The following MALT1 variants were observed in gnomAD, a reference collection of about 807,000 sequenced individuals.
MALT1 encodes the protein mucosa-associated lymphoid tissue lymphoma translocation protein 1.
A neutral mutation model predicts 85.5 loss-of-function variants in MALT1; 36 were observed. The ratio of observed to expected loss-of-function variants is 0.42; its 90% CI spans 0.32 to 0.56. The LOEUF (loss-of-function observed/expected upper bound fraction) is 0.56. MALT1 is among the 20% of genes least tolerant of loss of function. The pLI is 0.10. For missense variants in MALT1, 716 were observed against 981.6 expected, an observed-to-expected ratio of 0.73 and a Z score of 3.62; for synonymous variants, 359 against 361.3, an observed-to-expected ratio of 0.99 and a Z score of 0.07.
intron 9 of MALT1, 54 bp downstream of exon 9, chr18:58,716,021 A>C (rs2054894459): frequency 1.6e-6 from 2 of 1,271,762 alleles, no homozygotes; most frequent in East Asian, 4.7e-5. Context: ...GTATAACTCC[A>C]GAAGGAATTT....
chr18:58,698,138 C>T (rs1438259619), intron 3 of MALT1, among the ~76,000 whole-genome samples: 2 of 145,808 alleles, frequency 1.4e-5, no homozygotes. Flanking sequence ...GCGATCTTGG[C>T]TCACTGCAAC....
At chr18:58,746,519 T>C (rs2055369326) in intron 16 of MALT1, among the ~76,000 whole-genome samples, 1 of 152,170 alleles carries the variant, frequency 6.6e-6, no homozygotes, top group African/African-American at 2.4e-5. Flanking sequence ...ATGTATCAGC[T>C]AAAACTCAGG....
chr18:58,699,289 AG>A (rs2054638361), intron 3 of MALT1, among the ~76,000 whole-genome samples: 2 of 152,364 alleles, frequency 1.3e-5, no homozygotes, highest in Admixed American at 1.3e-4. Context: ...CTAGGATTAC[AG>A]GAAGTTTGAG....
rs577507555 is a variant in MALT1, at chr18:58,707,613, C to G, written c.650-1765C>G. On this transcript the variant is annotated intron_variant, in intron 4 of 16. Coordinates refer to ENST00000649217, the MANE Select transcript of MALT1 (RefSeq NM_006785.4). ...CTGACAGGGTTACATTTTCTTTCTT[C>G]TTCGTAAGTCTCATAATTATTTATT... is the stretch of plus-strand genomic sequence containing the variant. 1.8e-4 allele frequency among the ~76,000 whole-genome samples: 27 copies of G among 152,170 alleles called. No individual in the cohort carries two copies. The South Asian group carries it at 5.6e-3, about 32-fold the overall frequency.
chr18:58,725,167 C>T (rs948890474), intron 10 of MALT1, among the ~76,000 whole-genome samples: 4 of 150,278 alleles, frequency 2.7e-5, no homozygotes, highest in African/African-American at 4.9e-5. Context: ...AATAAAAACA[C>T]GAAAATTAGC....
intron 9 of MALT1, among the ~76,000 whole-genome samples, chr18:58,722,631 C>A (rs534924520): frequency 2.6e-5 from 4 of 152,298 alleles, no homozygotes; most frequent in South Asian, 4.1e-4. Context: ...TTTTTAGCCT[C>A]TTCCATTCTC....
chr18:58,737,645 T>C (rs986997269), intron 13 of MALT1, among the ~76,000 whole-genome samples: 1 of 152,192 alleles, frequency 6.6e-6, no homozygotes, highest in African/African-American at 2.4e-5. Flanking sequence ...TGCAGTGGCA[T>C]GATCTTGGCT....
At chr18:58,719,609 C>G (rs2054955907) in intron 9 of MALT1, among the ~76,000 whole-genome samples, 1 of 152,188 alleles carries the variant, frequency 6.6e-6, no homozygotes, top group Non-Finnish European at 1.5e-5. Context: ...CGTGATACAG[C>G]CCAGATTCAC....
At chr18:58,699,359 T>G (rs1568133407) in intron 3 of MALT1, among the ~76,000 whole-genome samples, 1 of 152,194 alleles carries the variant, frequency 6.6e-6, no homozygotes, top group East Asian at 1.9e-4. Flanking sequence ...ATAGTAGGAT[T>G]GTCAGGCAGT....
chr18:58,749,016 A>ATATT lies in MALT1; in HGVS notation c.*1175_*1178dup, dbSNP rs1321486030. On this transcript the variant is annotated 3_prime_UTR_variant, in exon 17 of 17. Transcript: ENST00000649217. ...ACAAACACAAAAATCATTAACAAAA[A>ATATT]TATTAGCAAACTGAATCCAGCAACC... 5 of 210,780 alleles carry ATATT rather than the reference A, an allele frequency of 2.4e-5. No individual in the cohort carries two copies. In the East Asian group the frequency reaches 2.9e-4, roughly 12 times the overall value. The allele number at this position is 210,780 out of a possible 1,614,324, so 13.1% of individuals were successfully genotyped here.
At chr18:58,721,154 C>T (rs1200327196) in intron 9 of MALT1, among the ~76,000 whole-genome samples, 1 of 152,130 alleles carries the variant, frequency 6.6e-6, no homozygotes, top group African/African-American at 2.4e-5. Flanking sequence ...CCGAGGTGGG[C>T]AGATCACCTG....
rs1473688834 is a variant in MALT1 at position 58,752,810 on chromosome 18, T to TAA, written c.*4969_*4970insAA. ...GCAAGACGCTGTCTCAAAAATAAAA[T>TAA]ATTAGTAAAGAAGAGTACAATCAGA... On this transcript the variant is annotated 3_prime_UTR_variant, in exon 17 of 17. Coordinates refer to ENST00000649217, the MANE Select transcript of MALT1 (RefSeq NM_006785.4). The TAA allele has an allele frequency of 6.6e-6, 1 of 152,070 alleles. No individual in the cohort carries two copies. The highest frequency in any genetic ancestry group is 1.5e-5 in the Non-Finnish European group (1 of 68,000). The allele number at this position is 152,070 out of a possible 1,614,324, so 9.4% of individuals were successfully genotyped here. A position where few individuals can be genotyped will look rare whatever the true frequency, so the allele number is the denominator to read the frequency against.
chr18:58,720,360 C>T lies in MALT1; in HGVS notation c.1019-2688C>T, dbSNP rs552328975. On this transcript the variant is annotated intron_variant, in intron 9 of 16. Coordinates refer to ENST00000649217, the MANE Select transcript of MALT1 (RefSeq NM_006785.4). Reference sequence around the variant, plus strand: ...TTTCCTCTCCCTTTCTACTACTTCTCGATCTTCCATCCACCCCAGTTCACC... The same window carrying T: ...TTTCCTCTCCCTTTCTACTACTTCTTGATCTTCCATCCACCCCAGTTCACC... Among the ~76,000 whole-genome samples the T allele has an allele frequency of 2.0e-5, 3 of 152,268 alleles. No homozygotes were observed. In the East Asian group the frequency reaches 5.8e-4, roughly 29 times the overall value.
chr18:58,710,033 C>T lies in MALT1; in HGVS notation c.886C>T (p.Arg296Ter), dbSNP rs1238233846. 6.2e-7 allele frequency: 1 copy of T among 1,611,756 alleles called. No homozygotes were observed. Among genetic ancestry groups the T allele is most frequent in the Non-Finnish European group, 8.5e-7 (1 of 1,178,756 alleles). Residue 296 changes from arginine (R) to a stop codon, truncating the protein, a stop_gained, in exon 6 of 17, where the codon CGA becomes TGA. Coordinates refer to ENST00000649217, the MANE Select transcript of MALT1 (RefSeq NM_006785.4). LOFTEE classifies it high-confidence loss of function. ...GTYWCHVYND[R>*]DSQDSKKVEI... ...CTACTGGTGTCATGTATATAATGATCGAGACAGTCAAGATAGCAAGAAGGT... is the reference window on the plus strand; with the variant it reads ...CTACTGGTGTCATGTATATAATGATTGAGACAGTCAAGATAGCAAGAAGGT...
chr18:58,713,131 G>A (rs2054854070), intron 7 of MALT1, among the ~76,000 whole-genome samples: 1 of 152,112 alleles, frequency 6.6e-6, no homozygotes, highest in Non-Finnish European at 1.5e-5. Context: ...CACATGTGCT[G>A]ACTCAGACCT....
At position 58,728,992 on chromosome 18, in the gene MALT1, T is replaced by C. The variant is rs552638573; in HGVS notation, c.1223-4405T>C. Reference sequence around the variant, plus strand: ...TGAGTAATACCAGTTGTTGAAATGGTACCATTTCTACTAAAAGTCAGACCC... The same window carrying C: ...TGAGTAATACCAGTTGTTGAAATGGCACCATTTCTACTAAAAGTCAGACCC... On this transcript the variant is annotated intron_variant, in intron 10 of 16. Coordinates refer to ENST00000649217, the MANE Select transcript of MALT1 (RefSeq NM_006785.4). Among the ~76,000 whole-genome samples the C allele has an allele frequency of 1.4e-3, 217 of 152,262 alleles. 1 individual carries two copies. The highest frequency in any genetic ancestry group is 2.1e-4 in the Non-Finnish European group (14 of 68,018).
At chr18:58,675,869 G>T (rs1412182102) in intron 1 of MALT1, among the ~76,000 whole-genome samples, 1 of 152,092 alleles carries the variant, frequency 6.6e-6, no homozygotes, top group Non-Finnish European at 1.5e-5. Context: ...GAATGACTAA[G>T]ACACGTCTTA....
intron 1 of MALT1, among the ~76,000 whole-genome samples, chr18:58,675,134 A>G (rs943812431): frequency 5.9e-5 from 9 of 152,166 alleles, no homozygotes; most frequent in African/African-American, 2.2e-4. Flanking sequence ...GTTAGTGTAG[A>G]TAGACACAGA....
In MALT1 at chr18:58,750,258, A is replaced by C. The variant is rs1234342346; in HGVS notation, c.*2416A>C. 1.2e-5 allele frequency: 2 copies of C among 165,844 alleles called. No homozygotes were observed. The highest frequency in any genetic ancestry group is 2.5e-4 in the East Asian group (2 of 8,094). The allele number at this position is 165,844 out of a possible 1,614,324, so 10.3% of individuals were successfully genotyped here. A position where few individuals can be genotyped will look rare whatever the true frequency, so the allele number is the denominator to read the frequency against. On this transcript the variant is annotated 3_prime_UTR_variant, in exon 17 of 17. Transcript: ENST00000649217. ...AACTCCAACACGTTTAAAGAAATTA[A>C]GATCCAGATAAATGGAAAGACATCC...
Sources: gnomAD v4.1 joint callset for allele counts (sites outside exome capture counted in the v4.1 genomes callset) on GRCh38, gnomAD v4.1.1 for gene constraint, MANE v1.5 for transcripts, NCBI Gene and HGNC (gene_info 2026-07-23, HGNC 2026-07-21) for gene names.